The following SH2B3 variants were observed in gnomAD, a reference collection of about 807,000 sequenced individuals.
SH2B3 encodes SH2B adapter protein 3.
A neutral mutation model predicts 51.9 loss-of-function variants in SH2B3; 43 were observed. That is an observed-to-expected ratio of 0.83 (90% CI 0.65 to 1.07). The LOEUF (loss-of-function observed/expected upper bound fraction) is 1.07. Ranked by LOEUF, SH2B3 falls within the 50% of genes least tolerant of loss-of-function variation. The pLI is 0.00. For missense variants in SH2B3, 952 were observed against 834.3 expected, an observed-to-expected ratio of 1.14 and a Z score of -1.74; for synonymous variants, 396 against 376.0, an observed-to-expected ratio of 1.05 and a Z score of -0.62.
At position 111,438,249 on chromosome 12, in the gene SH2B3, T is replaced by C. The variant is rs945031518; in HGVS notation, c.733-8504T>C. On this transcript the variant is annotated intron_variant, in intron 2 of 7. Coordinates refer to ENST00000341259, the MANE Select transcript of SH2B3 (RefSeq NM_005475.3). The surrounding 1 kb of genome is among the most constrained non-coding windows in gnomAD (Gnocchi z 4.2). ...GGGGCTGGGGGTGGGCAGATGAGGA[T>C]TGGAGCCCTGGCTCAACTTCGCTAT... Among the ~76,000 whole-genome samples, 1 of 152,110 alleles carries C rather than the reference T, an allele frequency of 6.6e-6. No homozygotes were observed. Among genetic ancestry groups the C allele is most frequent in the Admixed American group, 6.5e-5 (1 of 15,292 alleles).
chr12:111,405,887 C>T (rs2135526045), upstream of SH2B3: 1 of 152,124 alleles, frequency 6.6e-6, no homozygotes, highest in African/African-American at 2.4e-5. The surrounding 1 kb of genome is among the most constrained non-coding windows in gnomAD (Gnocchi z 5.4). Flanking sequence ...GCCGGCCTCC[C>T]CCGCCGGGCT....
intron 2 of SH2B3, among the ~76,000 whole-genome samples, chr12:111,425,963 C>G (rs898561253): frequency 6.6e-6 from 1 of 152,168 alleles, no homozygotes; most frequent in African/African-American, 2.4e-5. Context: ...GTTATTGAAT[C>G]AAAGTTTTAT....
intron 2 of SH2B3, among the ~76,000 whole-genome samples, chr12:111,446,450 C>T (rs1178745527): frequency 6.6e-6 from 1 of 152,338 alleles, no homozygotes; most frequent in East Asian, 1.9e-4. Context: ...GTTTGCTCAC[C>T]AGTGGGAAGA....
rs1266852479 is a variant in SH2B3 at position 111,446,844 on chromosome 12, T to C, written c.824T>C (p.Phe275Ser). The part of the protein sequence containing the change: ...RLEMPDNLYT[F>S]VLKVKDRTDI... Reference sequence around the variant, plus strand: ...GAGATGCCTGACAACCTTTACACCTTTGTGCTGAAGGTGAGTGACAAGGCT... The same window carrying C: ...GAGATGCCTGACAACCTTTACACCTCTGTGCTGAAGGTGAGTGACAAGGCT... The change falls in exon 3 of 8, where the codon TTT (phenylalanine) becomes TCT (serine). Residue 275 changes from phenylalanine (F) to serine (S), a missense_variant. By Grantham distance (155) the Phe-to-Ser change is radical (BLOSUM62 -2). Transcript: ENST00000341259. 2.5e-6 allele frequency: 4 copies of C among 1,602,698 alleles called. No homozygotes were observed. Among genetic ancestry groups the C allele is most frequent in the Non-Finnish European group, 3.4e-6 (4 of 1,172,430 alleles).
chr12:111,444,626 A>C (rs1593073151), intron 2 of SH2B3: 1 of 441,014 alleles, frequency 2.3e-6, no homozygotes, highest in Non-Finnish European at 3.0e-6. Context: ...AGAGGAGGGA[A>C]CCTAAAGCCC....
intron 2 of SH2B3, among the ~76,000 whole-genome samples, chr12:111,430,027 C>T (rs2135569622): frequency 6.6e-6 from 1 of 152,322 alleles, no homozygotes; most frequent in South Asian, 2.1e-4. Context: ...CGGTTTTTTC[C>T]TGGGCCCACG....
intron 2 of SH2B3, among the ~76,000 whole-genome samples, chr12:111,440,714 G>A (rs747287432): frequency 7.9e-5 from 12 of 152,174 alleles, no homozygotes; most frequent in Non-Finnish European, 1.8e-4. Context: ...TTCAGCAAAC[G>A]CTACTGCTCC....
At position 111,447,500 on chromosome 12, in the gene SH2B3, CGTG is replaced by C; in HGVS notation, c.1194_1196del (p.Gly399del). The C allele has an allele frequency of 7.3e-7, 1 of 1,368,190 alleles. No homozygotes were observed. The highest frequency in any genetic ancestry group is 9.7e-7 in the Non-Finnish European group (1 of 1,031,078). The allele number at this position is 1,368,190 out of a possible 1,614,324, so 84.8% of individuals were successfully genotyped here. A position where few individuals can be genotyped will look rare whatever the true frequency, so the allele number is the denominator to read the frequency against. ...CCTGGTGCGGCAGAGCGAGACGCGGCGTGGGGAATACGTGCTCACTTTCAACTT... is the reference window on the plus strand; with the variant it reads ...CCTGGTGCGGCAGAGCGAGACGCGGCGGGAATACGTGCTCACTTTCAACTT... On this transcript the variant is annotated inframe_deletion, in exon 6 of 8. Transcript: ENST00000341259.
At chr12:111,431,941 CA>C (rs1053894345) in intron 2 of SH2B3, among the ~76,000 whole-genome samples, 2 of 152,282 alleles carry the variant, frequency 1.3e-5, no homozygotes, top group African/African-American at 4.8e-5. Context: ...CCTCCGCCTC[CA>C]AATTCCAATT....
At chr12:111,445,770 C>A (rs734285) in intron 2 of SH2B3, among the ~76,000 whole-genome samples, 2,887 of 152,346 alleles carry the variant, frequency 0.019, 44 homozygotes, top group Non-Finnish European at 0.03. Context: ...AAGGAGGTGG[C>A]CAGGCCACTG....
intron 2 of SH2B3, among the ~76,000 whole-genome samples, chr12:111,424,237 CCTTT>C (rs1242033812): frequency 2.0e-5 from 3 of 152,042 alleles, no homozygotes; most frequent in Non-Finnish European, 4.4e-5. Flanking sequence ...AGTGGTATCA[CCTTT>C]CTGAGACTCA....
chr12:111,426,290 T>A (rs1593048350), intron 2 of SH2B3, among the ~76,000 whole-genome samples: 1 of 152,240 alleles, frequency 6.6e-6, no homozygotes, highest in East Asian at 1.9e-4. Context: ...AGGTTAGAGT[T>A]ATATTTCTAG....
Position 111,449,956 on chromosome 12 carries a change from T to C in SH2B3, c.*1654T>C, listed in dbSNP as rs1874430211. 1 of 152,006 alleles carries C rather than the reference T, an allele frequency of 6.6e-6. No homozygotes were observed. The highest frequency in any genetic ancestry group is 1.5e-5 in the Non-Finnish European group (1 of 68,014). 9.4% of individuals were successfully genotyped at this position (152,006 alleles called of 1,614,324 possible). A position where few individuals can be genotyped will look rare whatever the true frequency, so the allele number is the denominator to read the frequency against. Reference sequence around the variant, plus strand: ...CTTTTTTTTTTTTTTGAGATGGAGTTTCTCTTGTCAACCGGGCTGGAGTGC... The same window carrying C: ...CTTTTTTTTTTTTTTGAGATGGAGTCTCTCTTGTCAACCGGGCTGGAGTGC... On this transcript the variant is annotated 3_prime_UTR_variant, in exon 8 of 8. Transcript: ENST00000341259.
chr12:111,447,555 G>T lies in SH2B3; in HGVS notation c.1236+11G>T. ...CAGGGGATAGCCAAGGTATGGGGTG[G>T]GGTGGGGTGGGGTGGGGCAGGCAGG... is the stretch of plus-strand genomic sequence containing the variant. On this transcript the variant is annotated intron_variant, in intron 6 of 7. Coordinates refer to ENST00000341259, the MANE Select transcript of SH2B3 (RefSeq NM_005475.3). The T allele has an allele frequency of 6.4e-7, 1 of 1,555,568 alleles. No homozygotes were observed. The highest frequency in any genetic ancestry group is 8.8e-7 in the Non-Finnish European group (1 of 1,142,028).
chr12:111,436,560 A>G (rs992059242), intron 2 of SH2B3, among the ~76,000 whole-genome samples: 5 of 151,860 alleles, frequency 3.3e-5, no homozygotes, highest in Non-Finnish European at 7.4e-5. Context: ...GTCGGCACCC[A>G]TATCTGAGGA....
chr12:111,443,197 G>A (rs1490685590), intron 2 of SH2B3, among the ~76,000 whole-genome samples: 1 of 152,258 alleles, frequency 6.6e-6, no homozygotes, highest in East Asian at 1.9e-4. Flanking sequence ...GTGGGATAAA[G>A]AGGGATCCTC....
chr12:111,441,049 C>T (rs1308879308), intron 2 of SH2B3, among the ~76,000 whole-genome samples: 1 of 152,114 alleles, frequency 6.6e-6, no homozygotes, highest in African/African-American at 2.4e-5. Flanking sequence ...CTGCAGTGAG[C>T]TAGTTTATAC....
At chr12:111,446,016 C>T (rs891453708) in intron 2 of SH2B3, among the ~76,000 whole-genome samples, 2 of 152,248 alleles carry the variant, frequency 1.3e-5, no homozygotes, top group Admixed American at 6.5e-5. Flanking sequence ...TTTCCAGGAA[C>T]ACCTGAATGG....
chr12:111,404,759 G>C (rs1034572079), upstream of SH2B3, among the ~76,000 whole-genome samples: 3 of 152,194 alleles, frequency 2.0e-5, no homozygotes, highest in African/African-American at 4.8e-5. Context: ...CTGGAGCCAA[G>C]CCTCGAGCTA....
Sources: allele counts gnomAD v4.1 joint callset (sites outside exome capture counted in the v4.1 genomes callset), GRCh38; gene constraint gnomAD v4.1.1; non-coding constraint Gnocchi (gnomAD v3.1); transcripts MANE v1.5; gene names NCBI Gene and HGNC (gene_info 2026-07-23, HGNC 2026-07-21).